GPRC6A: variants seen among roughly 807,000 people sequenced by gnomAD.
GPRC6A encodes G protein-coupled receptor family C group 6 member A.
A neutral mutation model predicts 47.0 loss-of-function variants in GPRC6A; 54 were observed. The observed-to-expected ratio is 1.15, with a 90% CI of 0.92 to 1.44. The LOEUF is 1.44. GPRC6A is among the 40% of genes most tolerant of loss of function. The pLI is 0.00. For missense variants in GPRC6A, 1,112 were observed against 1,105.5 expected (o/e 1.01, Z -0.08); for synonymous variants, 347 against 377.1 (o/e 0.92, Z 0.93).
rs1419183317 is a variant in GPRC6A at position 116,792,525 on chromosome 6, G to T, written c.2398C>A (p.Pro800Thr). The change falls in exon 6 of 6, where the codon CCT (proline) becomes ACT (threonine). Residue 800 changes from proline to threonine, a missense_variant. By Grantham distance (38) the Pro-to-Thr change is conservative (BLOSUM62 -1). Transcript: ENST00000310357. ...TTGCCAAATGTGGTAGCATAGATAG[G>T]GATGAATGTGATCCAAGCTATGAAG... ...IYFIAWITFI[P>T]IYATTFGKYV... is the part of the protein sequence containing the mutation. 1 of 1,613,760 alleles carries T rather than the reference G, an allele frequency of 6.2e-7. No homozygotes were observed. Among genetic ancestry groups the T allele is most frequent in the Non-Finnish European group, 8.5e-7 (1 of 1,179,872 alleles).
intron 1 of GPRC6A, among the ~76,000 whole-genome samples, chr6:116,812,225 G>A (rs1773050006): frequency 6.6e-6 from 1 of 152,130 alleles, no homozygotes. Context: ...TATATTTAAA[G>A]TGTTGAGGAA....
At chr6:116,817,882 G>A (rs2114612674) in intron 1 of GPRC6A, among the ~76,000 whole-genome samples, 1 of 152,142 alleles carries the variant, frequency 6.6e-6, no homozygotes, top group South Asian at 2.1e-4. Flanking sequence ...GGGACTATGT[G>A]AAAAGACCAA....
At chr6:116,822,877 C>A (rs1276380518) in intron 1 of GPRC6A, among the ~76,000 whole-genome samples, 2 of 120,994 alleles carry the variant, frequency 1.7e-5, no homozygotes, top group East Asian at 2.2e-4. Flanking sequence ...AAAAAAGAAA[C>A]AATTACTAGT....
intron 1 of GPRC6A, among the ~76,000 whole-genome samples, chr6:116,822,617 A>C (rs1773529866): frequency 6.8e-6 from 1 of 146,290 alleles, no homozygotes; most frequent in Non-Finnish European, 1.5e-5. Context: ...AAGAACAAAA[A>C]ACCAAACACC....
intron 4 of GPRC6A, among the ~76,000 whole-genome samples, chr6:116,797,192 G>T (rs1772517264): frequency 6.6e-6 from 1 of 152,068 alleles, no homozygotes; most frequent in Non-Finnish European, 1.5e-5. Flanking sequence ...TTTCATCCAT[G>T]TCCCTACAAA....
At chr6:116,794,680 T>C (rs1283860527) in intron 5 of GPRC6A, among the ~76,000 whole-genome samples, 2 of 152,182 alleles carry the variant, frequency 1.3e-5, no homozygotes, top group Admixed American at 6.5e-5. Flanking sequence ...CCTCGCTAAT[T>C]ATCTAATTTT....
chr6:116,806,149 C>T (rs9374623), intron 3 of GPRC6A, among the ~76,000 whole-genome samples: 2 of 151,816 alleles, frequency 1.3e-5, no homozygotes, highest in Non-Finnish European at 1.5e-5. Context: ...AAGAATACAA[C>T]TTTGGTAGGT....
chr6:116,822,605 G>T (rs1016621836), intron 1 of GPRC6A, among the ~76,000 whole-genome samples: 6 of 142,240 alleles, frequency 4.2e-5, no homozygotes, highest in Non-Finnish European at 6.1e-5. Context: ...GTAAACTATC[G>T]CAAGAACAAA....
At chr6:116,795,121 AT>A (rs373018401) in intron 5 of GPRC6A, among the ~76,000 whole-genome samples, 10 of 152,128 alleles carry the variant, frequency 6.6e-5, no homozygotes, top group African/African-American at 2.4e-4. Context: ...TAATTTGTGT[AT>A]TTTGCTTTCA....
intron 1 of GPRC6A, among the ~76,000 whole-genome samples, chr6:116,818,723 G>T (rs935246854): frequency 2.0e-5 from 3 of 151,104 alleles, no homozygotes; most frequent in Non-Finnish European, 2.9e-5. Context: ...AACATGGAAG[G>T]GAACAATGGG....
chr6:116,805,362 TA>T (rs140512359), intron 3 of GPRC6A, among the ~76,000 whole-genome samples: 145 of 145,610 alleles, frequency 1.0e-3, no homozygotes, highest in African/African-American at 1.3e-3. Context: ...GTGTTTAAAG[TA>T]AAAAAAAAAA....
At chr6:116,804,470 T>C (rs1480532513) in intron 3 of GPRC6A, among the ~76,000 whole-genome samples, 1 of 152,096 alleles carries the variant, frequency 6.6e-6, no homozygotes, top group Non-Finnish European at 1.5e-5. Context: ...AAAGTTTAAG[T>C]CTACAGAGAT....
At chr6:116,820,252 G>C (rs949642133) in intron 1 of GPRC6A, among the ~76,000 whole-genome samples, 4 of 152,176 alleles carry the variant, frequency 2.6e-5, no homozygotes, top group Admixed American at 2.6e-4. Context: ...GGACCAGATG[G>C]ATTCACAGCT....
intron 2 of GPRC6A, among the ~76,000 whole-genome samples, chr6:116,808,029 T>C (rs995312096): frequency 3.3e-5 from 5 of 151,732 alleles, no homozygotes; most frequent in African/African-American, 4.8e-5. Context: ...ACAGCTGCCA[T>C]GTGGTGTGAT....
intron 1 of GPRC6A, among the ~76,000 whole-genome samples, chr6:116,812,089 G>T (rs569716824): frequency 2.0e-5 from 3 of 152,234 alleles, no homozygotes; most frequent in South Asian, 4.1e-4. Flanking sequence ...AATGTCTAAA[G>T]TCAATGACAA....
intron 1 of GPRC6A, among the ~76,000 whole-genome samples, chr6:116,818,078 G>A (rs1773293586): frequency 6.6e-6 from 1 of 152,172 alleles, no homozygotes; most frequent in Non-Finnish European, 1.5e-5. Context: ...ACATGTAATT[G>A]TCAGATTCAC....
chr6:116,810,707 AC>A (rs1255396786), intron 1 of GPRC6A, among the ~76,000 whole-genome samples: 11 of 151,850 alleles, frequency 7.2e-5, no homozygotes, highest in Admixed American at 3.3e-4. Context: ...AAAACCCTGA[AC>A]AATAATATCC....
At chr6:116,793,820 G>A (rs1170914605) in intron 5 of GPRC6A, among the ~76,000 whole-genome samples, 2 of 152,148 alleles carry the variant, frequency 1.3e-5, no homozygotes, top group African/African-American at 2.4e-5. Context: ...AGTTGCTATC[G>A]TGAATAAGGG....
chr6:116,827,296 A>C (rs1217738177), intron 1 of GPRC6A, among the ~76,000 whole-genome samples: 1 of 152,044 alleles, frequency 6.6e-6, no homozygotes, highest in Non-Finnish European at 1.5e-5. Context: ...AGCATATAAC[A>C]AAATACCACA....
Sources: allele counts gnomAD v4.1 joint callset (sites outside exome capture counted in the v4.1 genomes callset), GRCh38; gene constraint gnomAD v4.1.1; transcripts MANE v1.5; gene names NCBI Gene and HGNC (gene_info 2026-07-23, HGNC 2026-07-21).